BMERB1: variants seen among roughly 807,000 people sequenced by gnomAD.
BMERB1 encodes bMERB domain-containing protein 1.
Under a neutral mutation model 23.6 loss-of-function variants are expected in BMERB1, and 12 were observed. The ratio of observed to expected loss-of-function variants is 0.51; its 90% CI spans 0.33 to 0.82. The LOEUF (loss-of-function observed/expected upper bound fraction) is 0.82. BMERB1 is among the 40% of genes least tolerant of loss of function. The pLI is 0.03. For missense variants in BMERB1, 247 were observed against 255.4 expected (o/e 0.97, Z 0.22); for synonymous variants, 122 against 96.6 (o/e 1.26, Z -1.54).
chr16:15,452,660 T>G (rs763686965), intron 1 of BMERB1, among the ~76,000 whole-genome samples: 5 of 152,190 alleles, frequency 3.3e-5, no homozygotes, highest in Non-Finnish European at 7.3e-5. Flanking sequence ...CCCTGTGTCC[T>G]AAGGCCTCCT....
intron 2 of BMERB1, among the ~76,000 whole-genome samples, chr16:15,551,777 C>T (rs919307856): frequency 3.3e-5 from 5 of 152,150 alleles, no homozygotes; most frequent in African/African-American, 1.2e-4. Context: ...AACTTGCAGT[C>T]ATGGCAGACG....
intron 2 of BMERB1, among the ~76,000 whole-genome samples, chr16:15,551,211 C>T (rs1356121417): frequency 1.3e-5 from 2 of 152,186 alleles, no homozygotes; most frequent in Admixed American, 6.5e-5. Context: ...AATTTTTCCA[C>T]CTGCACCTGC....
At chr16:15,492,974 C>G (rs1254238403) in intron 1 of BMERB1, among the ~76,000 whole-genome samples, 1 of 151,476 alleles carries the variant, frequency 6.6e-6, no homozygotes, top group Non-Finnish European at 1.5e-5. Context: ...CCTCTGCAGT[C>G]TTCTCTCCAA....
intron 1 of BMERB1, among the ~76,000 whole-genome samples, chr16:15,447,600 G>A (rs912873869): frequency 6.6e-6 from 1 of 152,152 alleles, no homozygotes; most frequent in South Asian, 2.1e-4. Context: ...AAATGGTGGC[G>A]ATCATGTTAA....
At chr16:15,559,684 T>G (rs1055513402) in intron 2 of BMERB1, among the ~76,000 whole-genome samples, 12 of 152,210 alleles carry the variant, frequency 7.9e-5, no homozygotes, top group African/African-American at 2.9e-4. Context: ...GACTTGATTT[T>G]TAGTTACGTG....
At chr16:15,450,444 A>G (rs1309657942) in intron 1 of BMERB1, among the ~76,000 whole-genome samples, 1 of 152,158 alleles carries the variant, frequency 6.6e-6, no homozygotes, top group Non-Finnish European at 1.5e-5. Flanking sequence ...CTAGACAAAT[A>G]ATAGGCATGT....
intron 1 of BMERB1, among the ~76,000 whole-genome samples, chr16:15,445,609 G>A (rs535755410): frequency 5.3e-5 from 8 of 152,286 alleles, no homozygotes; most frequent in African/African-American, 9.6e-5. Flanking sequence ...CCACTGGAAA[G>A]GCTAAAATTA....
At chr16:15,553,576 A>G (rs2030158257) in intron 2 of BMERB1, among the ~76,000 whole-genome samples, 1 of 152,258 alleles carries the variant, frequency 6.6e-6, no homozygotes, top group African/African-American at 2.4e-5. Flanking sequence ...ATGAATGGAC[A>G]TGACTTCGTT....
At chr16:15,516,375 A>C (rs1183281703) in intron 2 of BMERB1, among the ~76,000 whole-genome samples, 4 of 152,168 alleles carry the variant, frequency 2.6e-5, no homozygotes, top group African/African-American at 9.7e-5. Context: ...AACTATGATC[A>C]TACCATTGCA....
intron 1 of BMERB1, among the ~76,000 whole-genome samples, chr16:15,486,795 T>C (rs148698022): frequency 5.6e-4 from 85 of 152,308 alleles, no homozygotes; most frequent in African/African-American, 2.0e-3. Flanking sequence ...TACTGGGGTT[T>C]GAATCCTGGC....
intron 5 of BMERB1, 77 bp downstream of exon 5, chr16:15,583,315 C>A: frequency 1.7e-6 from 2 of 1,197,350 alleles, no homozygotes; most frequent in South Asian, 1.2e-5. Context: ...CAGTGGATCA[C>A]GCCTGTAATC....
At chr16:15,524,913 T>C (rs868732963) in intron 2 of BMERB1, among the ~76,000 whole-genome samples, 1 of 152,186 alleles carries the variant, frequency 6.6e-6, no homozygotes, top group Non-Finnish European at 1.5e-5. Flanking sequence ...TACATTCTGC[T>C]CAGAGGACCA....
intron 3 of BMERB1, among the ~76,000 whole-genome samples, chr16:15,577,807 T>TTTTCCCTCACCAGTTGAG (rs1189866411): frequency 2.0e-5 from 3 of 152,226 alleles, no homozygotes; most frequent in Admixed American, 2.0e-4. Flanking sequence ...TTTGAGATGT[T>TTTTCCCTCACCAGTTGAG]TTTCCCTCAC....
intron 1 of BMERB1, among the ~76,000 whole-genome samples, chr16:15,506,170 GTTTTTCT>G (rs927184421): frequency 2.0e-5 from 3 of 151,430 alleles, no homozygotes; most frequent in African/African-American, 7.3e-5. Flanking sequence ...CTAATCTTTT[GTTTTTCT>G]TTTTTCTTTT....
intron 3 of BMERB1, among the ~76,000 whole-genome samples, chr16:15,580,306 G>GTC (rs2030975787): frequency 6.6e-6 from 1 of 152,086 alleles, no homozygotes; most frequent in Admixed American, 6.5e-5. Flanking sequence ...GTCTCACTAT[G>GTC]TTGCCCAGGC....
intron 2 of BMERB1, among the ~76,000 whole-genome samples, chr16:15,542,187 C>T (rs1294505180): frequency 6.6e-6 from 1 of 151,968 alleles, no homozygotes; most frequent in Non-Finnish European, 1.5e-5. Flanking sequence ...CCTCAGCCTC[C>T]CAAGTAGCTT....
At chr16:15,579,694 A>G (rs1215129563) in intron 3 of BMERB1, among the ~76,000 whole-genome samples, 1 of 151,888 alleles carries the variant, frequency 6.6e-6, no homozygotes, top group Non-Finnish European at 1.5e-5. Context: ...GCATCCTAGC[A>G]CTTGGTGTTT....
intron 1 of BMERB1, among the ~76,000 whole-genome samples, chr16:15,496,510 G>A (rs1414662387): frequency 6.6e-6 from 1 of 151,912 alleles, no homozygotes; most frequent in African/African-American, 2.4e-5. Context: ...AATATTACAA[G>A]CTAAGGATTA....
intron 1 of BMERB1, among the ~76,000 whole-genome samples, chr16:15,451,733 A>ATTTT (rs71152429): frequency 3.6e-3 from 276 of 77,388 alleles, no homozygotes; most frequent in African/African-American, 0.014. Context: ...TAGCTAACTA[A>ATTTT]TTTTTTTTTT....
Sources: gnomAD v4.1 joint callset for allele counts (sites outside exome capture counted in the v4.1 genomes callset) on GRCh38, gnomAD v4.1.1 for gene constraint, MANE v1.5 for transcripts, NCBI Gene and HGNC (gene_info 2026-07-23, HGNC 2026-07-21) for gene names.